Variants in GIMAP1 observed in about 807,000 individuals in gnomAD.
GIMAP1 encodes the protein GTPase IMAP family member 1.
For missense variants in GIMAP1, 423 were observed against 411.9 expected (o/e 1.03, Z -0.23); for synonymous variants, 230 against 187.7 (o/e 1.23, Z -1.84).
chr7:150,719,808 C>T (rs1437932695), intron 2 of GIMAP1, among the ~76,000 whole-genome samples: 1 of 152,154 alleles, frequency 6.6e-6, no homozygotes, highest in African/African-American at 2.4e-5. Context: ...TGTGGATGAC[C>T]AGAAATGTCA....
chr7:150,720,958 T>C lies in GIMAP1; in HGVS notation c.*33T>C, dbSNP rs774392497. The C allele has an allele frequency of 3.6e-5, 53 of 1,473,808 alleles. No homozygotes were observed. The highest frequency in any genetic ancestry group is 4.7e-5 in the Non-Finnish European group (53 of 1,119,228). 91.3% of individuals were successfully genotyped at this position (1,473,808 alleles called of 1,614,324 possible). A position where few individuals can be genotyped will look rare whatever the true frequency, so the allele number is the denominator to read the frequency against. On this transcript the variant is annotated 3_prime_UTR_variant, in exon 3 of 3. Transcript: ENST00000307194. The surrounding 1 kb of genome is among the most constrained non-coding windows in gnomAD (Gnocchi z 4.5). ...GGTCCTAAAACTGAAGGCAACTTGGTTAAGGGAGGCTGAATTCTTGGAGCT... is the reference window on the plus strand; with the variant it reads ...GGTCCTAAAACTGAAGGCAACTTGGCTAAGGGAGGCTGAATTCTTGGAGCT...
intron 1 of GIMAP1, among the ~76,000 whole-genome samples, chr7:150,717,372 T>A (rs1211102164): frequency 6.6e-6 from 1 of 152,214 alleles, no homozygotes. Flanking sequence ...AATCTCAGGA[T>A]GGATCCAAGA....
Position 150,720,041 on chromosome 7 carries a change from C to G in GIMAP1, c.44-7C>G. ...CTTAAGTAAGATTATAACACTTGGT[C>G]TCACAGGTTTAGAAGAGAACGCTCA... is the stretch of plus-strand genomic sequence containing the variant. On this transcript the variant is annotated splice_region_variant and splice_polypyrimidine_tract_variant and intron_variant, in intron 2 of 2. Coordinates refer to ENST00000307194, the MANE Select transcript of GIMAP1 (RefSeq NM_130759.4). This position sits in a 1 kb window ranked among gnomAD's most constrained non-coding sequence, Gnocchi z 4.5. The G allele has an allele frequency of 6.4e-7, 1 of 1,563,616 alleles. No individual in the cohort carries two copies. The highest frequency in any genetic ancestry group is 8.7e-7 in the Non-Finnish European group (1 of 1,152,830).
rs1797220891 is a variant in GIMAP1 at position 150,716,636 on chromosome 7, A to T, written c.-61A>T. The stretch of plus-strand genomic sequence containing the variant: ...GCCTTCTGCACTCACAGCCGAAGGG[A>T]AAGCAGCAGGTTGGGGCTTCTTGTG... On this transcript the variant is annotated 5_prime_UTR_variant, in exon 1 of 3. Transcript: ENST00000307194. The T allele has an allele frequency of 6.6e-6, 1 of 152,170 alleles. No individual in the cohort carries two copies. Among genetic ancestry groups the T allele is most frequent in the Non-Finnish European group, 1.5e-5 (1 of 68,050 alleles). 9.4% of individuals were successfully genotyped at this position (152,170 alleles called of 1,614,324 possible). A position where few individuals can be genotyped will look rare whatever the true frequency, so the allele number is the denominator to read the frequency against.
rs1295152015 is a variant in GIMAP1 at position 150,721,272 on chromosome 7, T to A, written c.*347T>A. The A allele has an allele frequency of 5.2e-6, 1 of 192,992 alleles. No individual in the cohort carries two copies. The highest frequency in any genetic ancestry group is 1.3e-4 in the East Asian group (1 of 7,726). The allele number at this position is 192,992 out of a possible 1,614,324, so 12.0% of individuals were successfully genotyped here. On this transcript the variant is annotated 3_prime_UTR_variant, in exon 3 of 3. Transcript: ENST00000307194. ...TTATTTTCGAGCTTTTTAAAAAATTTAGACTGCCCCTCCTTGATAATTTTC... is the reference window on the plus strand; with the variant it reads ...TTATTTTCGAGCTTTTTAAAAAATTAAGACTGCCCCTCCTTGATAATTTTC...
At chr7:150,719,438 T>G (rs1797263898) in intron 2 of GIMAP1, 1 of 225,116 alleles carries the variant, frequency 4.4e-6, no homozygotes, top group African/African-American at 2.3e-5. Flanking sequence ...AAAACATATA[T>G]TCTTTTTAGG....
rs737372 is a variant in GIMAP1 at position 150,718,206 on chromosome 7, C to T, written c.-6-836C>T. 6.2e-3 allele frequency among the ~76,000 whole-genome samples: 940 copies of T among 152,238 alleles called. 28 individuals carry two copies. The highest frequency in any genetic ancestry group is 0.048 in the Admixed American group (738 of 15,284). On this transcript the variant is annotated intron_variant, in intron 1 of 2. Transcript: ENST00000307194. Reference sequence around the variant, plus strand: ...GGAGAAGTGAATTTGTGTTCAGGAGCTTGTGTGATTAGGCAAACTGGATCA... The same window carrying T: ...GGAGAAGTGAATTTGTGTTCAGGAGTTTGTGTGATTAGGCAAACTGGATCA...
In GIMAP1 at chr7:150,720,481, G is replaced by A. The variant is rs1797282010; in HGVS notation, c.477G>A (p.Gly159=). ...IVFTRKEDLA[G]GSLHDYVSNT... Reference sequence around the variant, plus strand: ...TCACCAGGAAGGAGGACCTGGCCGGGGGCTCCCTGCACGATTACGTGAGCA... The same window carrying A: ...TCACCAGGAAGGAGGACCTGGCCGGAGGCTCCCTGCACGATTACGTGAGCA... Residue 159 remains glycine (G), a synonymous_variant, in exon 3 of 3, where the codon GGG becomes GGA. Coordinates refer to ENST00000307194, the MANE Select transcript of GIMAP1 (RefSeq NM_130759.4). This position sits in a 1 kb window ranked among gnomAD's most constrained non-coding sequence, Gnocchi z 4.5. 1 of 1,574,082 alleles carries A rather than the reference G, an allele frequency of 6.4e-7. No homozygotes were observed. Among genetic ancestry groups the A allele is most frequent in the Non-Finnish European group, 8.6e-7 (1 of 1,159,280 alleles).
intron 1 of GIMAP1, among the ~76,000 whole-genome samples, chr7:150,718,161 G>A (rs1207927335): frequency 6.6e-6 from 1 of 152,190 alleles, no homozygotes; most frequent in East Asian, 1.9e-4. Flanking sequence ...CTGGGAATGA[G>A]GCTGGAGACA....
rs1585223864 is a variant in GIMAP1, at chr7:150,722,988, C to T, written c.*2063C>T. 1 of 152,150 alleles carries T rather than the reference C, an allele frequency of 6.6e-6. No homozygotes were observed. The highest frequency in any genetic ancestry group is 1.9e-4 in the East Asian group (1 of 5,182). 9.4% of individuals were successfully genotyped at this position (152,150 alleles called of 1,614,324 possible). A position where few individuals can be genotyped will look rare whatever the true frequency, so the allele number is the denominator to read the frequency against. ...AGTGTGGTCTGGAGCCCAATCCCCA[C>T]CTCCAGAGTCTAGTCCTGCCTCCTA... is the stretch of plus-strand genomic sequence containing the variant. On this transcript the variant is annotated 3_prime_UTR_variant, in exon 3 of 3. Coordinates refer to ENST00000307194, the MANE Select transcript of GIMAP1 (RefSeq NM_130759.4).
In GIMAP1 at chr7:150,724,267, T is replaced by C. The variant is rs1051827926; in HGVS notation, c.*3342T>C. ...TGCTTATTCTGCCAATAAAATACTT[T>C]ATTGAGATGCTTACAAATTTGTCCC... On this transcript the variant is annotated 3_prime_UTR_variant, in exon 3 of 3. Coordinates refer to ENST00000307194, the MANE Select transcript of GIMAP1 (RefSeq NM_130759.4). 2 of 152,086 alleles carry C rather than the reference T, an allele frequency of 1.3e-5. No individual in the cohort carries two copies. The highest frequency in any genetic ancestry group is 4.8e-5 in the African/African-American group (2 of 41,384). 9.4% of individuals were successfully genotyped at this position (152,086 alleles called of 1,614,324 possible).
At chr7:150,719,125 C>T (rs186332265) in intron 2 of GIMAP1, 35 bp downstream of exon 2, 4 of 1,613,734 alleles carry the variant, frequency 2.5e-6, no homozygotes, top group East Asian at 2.2e-5. Flanking sequence ...TACTTGCCCC[C>T]CTAGGCTTGA....
intron 1 of GIMAP1, among the ~76,000 whole-genome samples, chr7:150,716,919 G>A (rs559644390): frequency 6.6e-6 from 1 of 152,100 alleles, no homozygotes; most frequent in Non-Finnish European, 1.5e-5. Context: ...TCTTGGTGGG[G>A]AGTGAAATCT....
At chr7:150,718,184 G>T (rs1250553979) in intron 1 of GIMAP1, among the ~76,000 whole-genome samples, 3 of 152,206 alleles carry the variant, frequency 2.0e-5, no homozygotes, top group African/African-American at 4.8e-5. Context: ...GATGCAGGGA[G>T]AAGTGAATTT....
rs754167723 is a variant in GIMAP1 at position 150,720,007 on chromosome 7, T to C, written c.44-41T>C. 2.0e-6 allele frequency: 3 copies of C among 1,509,430 alleles called. No homozygotes were observed. The highest frequency in any genetic ancestry group is 4.6e-5 in the East Asian group (2 of 43,540). 93.5% of individuals were successfully genotyped at this position (1,509,430 alleles called of 1,614,324 possible). On this transcript the variant is annotated intron_variant, in intron 2 of 2. Coordinates refer to ENST00000307194, the MANE Select transcript of GIMAP1 (RefSeq NM_130759.4). This position sits in a 1 kb window ranked among gnomAD's most constrained non-coding sequence, Gnocchi z 4.5. Reference sequence around the variant, plus strand: ...GAAGATTCCAGTTCCCAAGGGGAAGTTGGTTAAACTTAAGTAAGATTATAA... The same window carrying C: ...GAAGATTCCAGTTCCCAAGGGGAAGCTGGTTAAACTTAAGTAAGATTATAA...
chr7:150,718,006 T>C (rs1173981096), intron 1 of GIMAP1, among the ~76,000 whole-genome samples: 1 of 152,068 alleles, frequency 6.6e-6, no homozygotes. Flanking sequence ...GTGACCAGGG[T>C]GCAAGACACA....
chr7:150,720,366 T>TG lies in GIMAP1; in HGVS notation c.365dup (p.Arg123SerfsTer67). ...CACGCGCTGCTCCTGGTGACCCAGT[T>TG]GGGTCGGTTCACCGCCCAGGACCAG... On this transcript the variant is annotated frameshift_variant, in exon 3 of 3. Transcript: ENST00000307194. LOFTEE classifies it high-confidence loss of function. This position sits in a 1 kb window ranked among gnomAD's most constrained non-coding sequence, Gnocchi z 4.5. The TG allele has an allele frequency of 6.2e-7, 1 of 1,608,748 alleles. No individual in the cohort carries two copies.
At chr7:150,719,213 GA>G (rs542506711) in intron 2 of GIMAP1, 123 bp downstream of exon 2, 30 of 1,248,110 alleles carry the variant, frequency 2.4e-5, no homozygotes, top group Non-Finnish European at 3.4e-5. Context: ...ACTCTGGGAT[GA>G]AACAGCACCA....
In GIMAP1 at chr7:150,716,652, G is replaced by A. The variant is rs767921127; in HGVS notation, c.-45G>A. 6.6e-6 allele frequency: 1 copy of A among 152,196 alleles called. No individual in the cohort carries two copies. The highest frequency in any genetic ancestry group is 1.5e-5 in the Non-Finnish European group (1 of 68,068). 9.4% of individuals were successfully genotyped at this position (152,196 alleles called of 1,614,324 possible). ...GCCGAAGGGAAAGCAGCAGGTTGGGGCTTCTTGTGGCCAACTTCAGAGCCT... is the reference window on the plus strand; with the variant it reads ...GCCGAAGGGAAAGCAGCAGGTTGGGACTTCTTGTGGCCAACTTCAGAGCCT... On this transcript the variant is annotated 5_prime_UTR_variant, in exon 1 of 3. Transcript: ENST00000307194.
Sources: gnomAD v4.1 joint callset for allele counts (sites outside exome capture counted in the v4.1 genomes callset) on GRCh38, gnomAD v4.1.1 for gene constraint, Gnocchi (gnomAD v3.1) non-coding constraint, MANE v1.5 for transcripts, NCBI Gene and HGNC (gene_info 2026-07-23, HGNC 2026-07-21) for gene names.